ADARB2: variants seen among roughly 807,000 people sequenced by gnomAD.
The protein encoded by ADARB2 is inactive double-stranded RNA-specific editase B2.
In ADARB2, 25 loss-of-function variants were observed where a neutral mutation model predicts 62.2. The ratio of observed to expected loss-of-function variants is 0.40; its 90% CI spans 0.29 to 0.56. The LOEUF is 0.56. Among genes scored for constraint, ADARB2 ranks in the 20% least tolerant of loss-of-function variants. The pLI is 0.43. For synonymous variants in ADARB2, 572 were observed against 500.8 expected (o/e 1.14, Z -1.90); for missense variants, 1,071 against 1,077.4 (o/e 0.99, Z 0.08).
At chr10:1,633,006 G>A (rs752442978) in intron 1 of ADARB2, among the ~76,000 whole-genome samples, 1 of 152,176 alleles carries the variant, frequency 6.6e-6, no homozygotes, top group Non-Finnish European at 1.5e-5. Flanking sequence ...GAAGCTGGGG[G>A]CAGGGTGGAT....
At chr10:1,543,063 T>A (rs1458889811) in intron 1 of ADARB2, among the ~76,000 whole-genome samples, 2 of 152,236 alleles carry the variant, frequency 1.3e-5, no homozygotes, top group East Asian at 3.8e-4. Flanking sequence ...ACAGCGACGG[T>A]GCGGCTTCCC....
intron 1 of ADARB2, among the ~76,000 whole-genome samples, chr10:1,554,351 A>T (rs184929190): frequency 6.6e-6 from 1 of 152,156 alleles, no homozygotes; most frequent in Non-Finnish European, 1.5e-5. Context: ...CTCTGGTTTA[A>T]ACGCAGAGAG....
chr10:1,524,166 A>C (rs1832110911), intron 1 of ADARB2, among the ~76,000 whole-genome samples: 1 of 152,160 alleles, frequency 6.6e-6, no homozygotes, highest in African/African-American at 2.4e-5. Context: ...AGGTACACAA[A>C]ATTTTGTAGG....
chr10:1,615,227 G>C (rs112966266), intron 1 of ADARB2, among the ~76,000 whole-genome samples: 1 of 152,240 alleles, frequency 6.6e-6, no homozygotes, highest in African/African-American at 2.4e-5. Flanking sequence ...TCTGCCTCCA[G>C]GTTCACTCTC....
At chr10:1,333,568 CTCA>C (rs1330951525) in intron 3 of ADARB2, among the ~76,000 whole-genome samples, 5 of 152,114 alleles carry the variant, frequency 3.3e-5, no homozygotes, top group East Asian at 3.8e-4. Flanking sequence ...CACTGTTTTT[CTCA>C]TCATATTAAT....
intron 1 of ADARB2, among the ~76,000 whole-genome samples, chr10:1,384,512 C>A (rs943754402): frequency 6.6e-6 from 1 of 152,148 alleles, no homozygotes; most frequent in African/African-American, 2.4e-5. Flanking sequence ...TTGCAGCTCA[C>A]CAGCTGTCTC....
chr10:1,646,429 T>C (rs1328090754), intron 1 of ADARB2, among the ~76,000 whole-genome samples: 1 of 152,212 alleles, frequency 6.6e-6, no homozygotes, highest in East Asian at 1.9e-4. Context: ...AGTGGTCTCA[T>C]TGAATAGGAA....
chr10:1,224,210 A>G (rs1404311347), intron 6 of ADARB2, among the ~76,000 whole-genome samples: 5 of 152,178 alleles, frequency 3.3e-5, no homozygotes, highest in Non-Finnish European at 5.9e-5. Context: ...GTTTATTTGC[A>G]TAGAGGTGTT....
At chr10:1,725,313 C>A (rs972220192) in intron 1 of ADARB2, among the ~76,000 whole-genome samples, 3 of 152,244 alleles carry the variant, frequency 2.0e-5, no homozygotes, top group Non-Finnish European at 4.4e-5. Flanking sequence ...CTGTGGCACA[C>A]ACGCGGTTCT....
chr10:1,418,293 G>T (rs2805536), intron 1 of ADARB2, among the ~76,000 whole-genome samples: 41,780 of 152,130 alleles, frequency 0.27, 7,501 homozygotes, highest in East Asian at 0.62. Flanking sequence ...CGGGAAAGAC[G>T]GTGGGCTCAG....
intron 1 of ADARB2, among the ~76,000 whole-genome samples, chr10:1,726,477 G>A (rs1282118680): frequency 6.6e-6 from 1 of 152,158 alleles, no homozygotes. Context: ...TGGACGTGGT[G>A]CTGCCAGCAC....
chr10:1,705,090 T>C (rs1376623330), intron 1 of ADARB2, among the ~76,000 whole-genome samples: 1 of 152,120 alleles, frequency 6.6e-6, no homozygotes, highest in Non-Finnish European at 1.5e-5. Flanking sequence ...CAAATGTAGG[T>C]TGATTTTTAA....
chr10:1,687,814 G>A (rs7907759), intron 1 of ADARB2, among the ~76,000 whole-genome samples: 65,615 of 151,900 alleles, frequency 0.43, 14,360 homozygotes, highest in Non-Finnish European at 0.47. Context: ...GCTGGCCGGG[G>A]GGGAAAACCA....
At chr10:1,661,338 G>A (rs979105426) in intron 1 of ADARB2, among the ~76,000 whole-genome samples, 4 of 152,138 alleles carry the variant, frequency 2.6e-5, no homozygotes, top group African/African-American at 7.2e-5. Flanking sequence ...GGGTTTCCAC[G>A]GTTTCCTGAG....
At chr10:1,521,442 A>G (rs1307422341) in intron 1 of ADARB2, among the ~76,000 whole-genome samples, 3 of 152,308 alleles carry the variant, frequency 2.0e-5, no homozygotes, top group African/African-American at 7.2e-5. Context: ...AAGCTTCTGA[A>G]TGCACTTCCT....
At chr10:1,499,219 A>C (rs1344733851) in intron 1 of ADARB2, among the ~76,000 whole-genome samples, 1 of 151,382 alleles carries the variant, frequency 6.6e-6, no homozygotes, top group Admixed American at 6.6e-5. Context: ...CTCATTCATT[A>C]CTCATCATTC....
chr10:1,703,407 T>C (rs1331425896), intron 1 of ADARB2, among the ~76,000 whole-genome samples: 1 of 152,084 alleles, frequency 6.6e-6, no homozygotes, highest in African/African-American at 2.4e-5. Flanking sequence ...GGAGCCTGGA[T>C]GCTGGTGAGC....
intron 1 of ADARB2, among the ~76,000 whole-genome samples, chr10:1,482,579 C>T (rs950526259): frequency 1.3e-5 from 2 of 152,142 alleles, no homozygotes; most frequent in African/African-American, 2.4e-5. Flanking sequence ...TGAAATGGTT[C>T]TATGGGTGGA....
chr10:1,662,546 A>G (rs12265257), intron 1 of ADARB2, among the ~76,000 whole-genome samples: 37,955 of 152,128 alleles, frequency 0.25, 5,070 homozygotes, highest in Middle Eastern at 0.34. Context: ...AACAAATGGC[A>G]TGGTTTTATG....
Sources: allele counts gnomAD v4.1 joint callset (sites outside exome capture counted in the v4.1 genomes callset), GRCh38; gene constraint gnomAD v4.1.1; transcripts MANE v1.5; gene names NCBI Gene and HGNC (gene_info 2026-07-23, HGNC 2026-07-21).